Variants in ABCA3 observed in about 807,000 individuals in gnomAD.
ABCA3 encodes the protein ATP binding cassette subfamily A member 3.
A neutral mutation model predicts 172.8 loss-of-function variants in ABCA3; 88 were observed. That is an observed-to-expected ratio of 0.51 (90% CI 0.43 to 0.61). The LOEUF (loss-of-function observed/expected upper bound fraction) is 0.61. Among genes scored for constraint, ABCA3 ranks in the 20% least tolerant of loss-of-function variants. The probability of loss-of-function intolerance (pLI) is 0.00; values close to 1 mark genes in which losing one functional copy is unlikely to be tolerated. For synonymous variants in ABCA3, 1,066 were observed against 983.8 expected (o/e 1.08, Z -1.56); for missense variants, 2,164 against 2,301.0 (o/e 0.94, Z 1.22).
rs886051819 is a variant in ABCA3 at position 2,295,688 on chromosome 16, G to T, written c.2316C>A (p.Asp772Glu). Reference protein sequence around the residue: ...LVKEPHCNPEDISQLVHHHVP... With the variant: ...LVKEPHCNPEEISQLVHHHVP... Reference sequence around the variant, plus strand: ...CGTGGTGGTGGACCAGCTGGGAGATGTCTTCCGGGTTGCAGTGCGGCTCCT... The same window carrying T: ...CGTGGTGGTGGACCAGCTGGGAGATTTCTTCCGGGTTGCAGTGCGGCTCCT... The change falls in exon 18 of 33, where the codon GAC (aspartate) becomes GAA (glutamate). Residue 772 changes from aspartate (D) to glutamate (E), a missense_variant. Physicochemically the swap from Asp to Glu is conservative, Grantham distance 45. Around this residue, in one of 3 missense-constraint regions of ABCA3, gnomAD observed 1,343 missense variants for 1,369.6 expected, o/e 0.98. Transcript: ENST00000301732. The T allele has an allele frequency of 6.2e-7, 1 of 1,614,084 alleles. No individual in the cohort carries two copies.
rs1030148497 is a variant in ABCA3, at chr16:2,286,141, C to T, written c.3279-495G>A. ...GCCTAGCCTGGAATGTGGGTGGAGACGACACTGCCCTGAGGAGGAGTGGCT... is the reference window on the plus strand; with the variant it reads ...GCCTAGCCTGGAATGTGGGTGGAGATGACACTGCCCTGAGGAGGAGTGGCT... On this transcript the variant is annotated intron_variant, in intron 22 of 32. Transcript: ENST00000301732. This position sits in a 1 kb window ranked among gnomAD's most constrained non-coding sequence, Gnocchi z 5.2. 4.6e-5 allele frequency among the ~76,000 whole-genome samples: 7 copies of T among 152,276 alleles called. No individual in the cohort carries two copies. Among genetic ancestry groups the T allele is most frequent in the East Asian group, 1.9e-4 (1 of 5,172 alleles).
In ABCA3 at chr16:2,308,628, A is replaced by G; in HGVS notation, c.1112-5T>C. The G allele has an allele frequency of 6.2e-7, 1 of 1,613,818 alleles. No individual in the cohort carries two copies. Among genetic ancestry groups the G allele is most frequent in the Non-Finnish European group, 8.5e-7 (1 of 1,179,806 alleles). ...CGAAGGCTGCTGCCATGTTGGCTGC[A>G]GGTGTTGGAAGACCCGGGGGGCGTG... On this transcript the variant is annotated splice_polypyrimidine_tract_variant and splice_region_variant and intron_variant, in intron 10 of 32. Coordinates refer to ENST00000301732, the MANE Select transcript of ABCA3 (RefSeq NM_001089.3).
intron 11 of ABCA3, among the ~76,000 whole-genome samples, chr16:2,305,295 G>A (rs1299516138): frequency 1.3e-5 from 2 of 151,672 alleles, no homozygotes; most frequent in African/African-American, 4.8e-5. Flanking sequence ...CACCACACCT[G>A]GCTAATTTTT....
At chr16:2,299,286 C>T in intron 14 of ABCA3, 117 bp downstream of exon 14, 2 of 1,437,810 alleles carry the variant, frequency 1.4e-6, no homozygotes, top group Admixed American at 1.8e-5. Flanking sequence ...GCATCTCCTG[C>T]CGCTGTGGTT....
intron 14 of ABCA3, among the ~76,000 whole-genome samples, chr16:2,299,144 G>C (rs1237579957): frequency 1.4e-5 from 2 of 146,544 alleles, no homozygotes; most frequent in African/African-American, 5.0e-5. Flanking sequence ...GGGGTCCCTG[G>C]GGGTCCCCCT....
At chr16:2,293,976 T>C (rs2141703923) in intron 18 of ABCA3, among the ~76,000 whole-genome samples, 1 of 151,656 alleles carries the variant, frequency 6.6e-6, no homozygotes, top group South Asian at 2.1e-4. Flanking sequence ...AAAAGTGAGG[T>C]TCATATGGTT....
chr16:2,294,968 G>A (rs1362669444), intron 18 of ABCA3, among the ~76,000 whole-genome samples: 2 of 152,162 alleles, frequency 1.3e-5, no homozygotes, highest in Non-Finnish European at 2.9e-5. Flanking sequence ...GGGCAGCAGA[G>A]TGAGGCTCCA....
intron 6 of ABCA3, 21 bp from the exon 7 acceptor site, chr16:2,323,709 C>T (rs893512836): frequency 6.2e-7 from 1 of 1,614,010 alleles, no homozygotes; most frequent in East Asian, 2.2e-5. Context: ...AAAGAGAAAA[C>T]CAGCTGTTCC....
chr16:2,331,217 C>T (rs1567356687), intron 1 of ABCA3, among the ~76,000 whole-genome samples: 1 of 151,784 alleles, frequency 6.6e-6, no homozygotes, highest in African/African-American at 2.4e-5. Flanking sequence ...CTTTTCTTTT[C>T]TTTTCTTTTT....
At chr16:2,309,386 C>A (rs2093703006) in intron 10 of ABCA3, among the ~76,000 whole-genome samples, 1 of 152,218 alleles carries the variant, frequency 6.6e-6, no homozygotes, top group Non-Finnish European at 1.5e-5. Flanking sequence ...TCCCTCCCCT[C>A]CCACGCCTGG....
rs1414520850 is a variant in ABCA3, at chr16:2,281,474, C to T, written c.4071G>A (p.Glu1357=). 1.9e-6 allele frequency: 3 copies of T among 1,613,402 alleles called. No homozygotes were observed. Among genetic ancestry groups the T allele is most frequent in the East Asian group, 2.2e-5 (1 of 44,854 alleles). The change falls in exon 27 of 33, where the codon GAG becomes GAA. Residue 1357 remains glutamate, a synonymous_variant. Transcript: ENST00000301732. This position sits in a 1 kb window ranked among gnomAD's most constrained non-coding sequence, Gnocchi z 4.7. The stretch of plus-strand genomic sequence containing the variant: ...TCCTCTCGTCCGCTACATCTTGGTC[C>T]TCAGGAAGCACAGGCATCCGGGTGT... ...ELYTRMPVLP[E]DQDVADERTR...
Position 2,278,489 on chromosome 16 carries a change from T to TA in ABCA3, c.4548-32dup. On this transcript the variant is annotated intron_variant, in intron 29 of 32. Coordinates refer to ENST00000301732, the MANE Select transcript of ABCA3 (RefSeq NM_001089.3). This position sits in a 1 kb window ranked among gnomAD's most constrained non-coding sequence, Gnocchi z 4.4. ...GGCAGGAGGGTGCCAGGTGGGGGAA[T>TA]AAGGCTGAGAGTTAGCATTGGCTCC... is the stretch of plus-strand genomic sequence containing the variant. 6.2e-7 allele frequency: 1 copy of TA among 1,606,746 alleles called. No homozygotes were observed. The highest frequency in any genetic ancestry group is 8.5e-7 in the Non-Finnish European group (1 of 1,179,716).
chr16:2,280,995 C>G (rs769129570), intron 28 of ABCA3, 32 bp downstream of exon 28: 1 of 1,613,730 alleles, frequency 6.2e-7, no homozygotes, highest in Admixed American at 1.7e-5. Context: ...ATGCCTGTCT[C>G]ACCCCTTCAG....
chr16:2,283,486 T>TTG lies in ABCA3; in HGVS notation c.3863-129_3863-128insCA. On this transcript the variant is annotated intron_variant, in intron 25 of 32. Coordinates refer to ENST00000301732, the MANE Select transcript of ABCA3 (RefSeq NM_001089.3). The surrounding 1 kb of genome is among the most constrained non-coding windows in gnomAD (Gnocchi z 5.4). ...TAACAATGTCCCCTCCATGGGGAGATGTGAAGGCCAGTAGGTCACAGCTGC... is the reference window on the plus strand; with the variant it reads ...TAACAATGTCCCCTCCATGGGGAGATTGGTGAAGGCCAGTAGGTCACAGCTGC... The TTG allele has an allele frequency of 9.1e-7, 1 of 1,102,702 alleles. No homozygotes were observed. Among genetic ancestry groups the TTG allele is most frequent in the Non-Finnish European group, 1.3e-6 (1 of 777,588 alleles). The allele number at this position is 1,102,702 out of a possible 1,614,324, so 68.3% of individuals were successfully genotyped here. A position where few individuals can be genotyped will look rare whatever the true frequency, so the allele number is the denominator to read the frequency against.
Position 2,285,511 on chromosome 16 carries a change from C to A in ABCA3, c.3414G>T (p.Val1138=), listed in dbSNP as rs2093661619. 9.3e-6 allele frequency: 15 copies of A among 1,609,044 alleles called. No individual in the cohort carries two copies. Among genetic ancestry groups the A allele is most frequent in the Non-Finnish European group, 1.3e-5 (15 of 1,177,766 alleles). ...GCAGAGCAGAGAGCCAGAAACTGGC[C>A]ACGTGGACTCCACTCACAAACTGCA... The part of the protein sequence containing the change: ...KHVQFVSGVH[V]ASFWLSALLW... Residue 1138 remains valine (V), a synonymous_variant, in exon 23 of 33, where the codon GTG becomes GTT. Transcript: ENST00000301732. This position sits in a 1 kb window ranked among gnomAD's most constrained non-coding sequence, Gnocchi z 4.7.
chr16:2,298,721 C>T (rs1315658123), intron 14 of ABCA3, among the ~76,000 whole-genome samples, 181 bp from the exon 15 acceptor site: 1 of 152,042 alleles, frequency 6.6e-6, no homozygotes, highest in Non-Finnish European at 1.5e-5. Flanking sequence ...GAAAAAGAAG[C>T]GGCATGGAAA....
Position 2,284,255 on chromosome 16 carries a change from C to G in ABCA3, c.3862+24G>C. The G allele has an allele frequency of 6.2e-7, 1 of 1,607,506 alleles. No individual in the cohort carries two copies. The highest frequency in any genetic ancestry group is 8.5e-7 in the Non-Finnish European group (1 of 1,175,912). On this transcript the variant is annotated intron_variant, in intron 25 of 32. Coordinates refer to ENST00000301732, the MANE Select transcript of ABCA3 (RefSeq NM_001089.3). The surrounding 1 kb of genome is among the most constrained non-coding windows in gnomAD (Gnocchi z 5.9). ...GTCCTGAGGACGCAGGGGTGCTGCCCGGGGTCGGGGCTGGGACACTCACTA... is the reference window on the plus strand; with the variant it reads ...GTCCTGAGGACGCAGGGGTGCTGCCGGGGGTCGGGGCTGGGACACTCACTA...
chr16:2,309,530 C>G (rs1381194259), intron 10 of ABCA3, among the ~76,000 whole-genome samples: 1 of 152,130 alleles, frequency 6.6e-6, no homozygotes, highest in Admixed American at 6.6e-5. Flanking sequence ...GAGAAGGAGC[C>G]GGAAGAGGTG....
chr16:2,297,986 G>C lies in ABCA3; in HGVS notation c.1897-65C>G, dbSNP rs1228360241. 6.9e-6 allele frequency: 11 copies of C among 1,587,094 alleles called. No homozygotes were observed. In the South Asian group the frequency reaches 1.1e-4, roughly 16 times the overall value. ...GCGGGAGGCCGACCCTGGCCAGCGA[G>C]GTTCTGGTGAGAGGAACCTCTCCTT... On this transcript the variant is annotated intron_variant, in intron 15 of 32. Transcript: ENST00000301732. This position sits in a 1 kb window ranked among gnomAD's most constrained non-coding sequence, Gnocchi z 5.6.
Sources: gnomAD v4.1 joint callset for allele counts (sites outside exome capture counted in the v4.1 genomes callset) on GRCh38, gnomAD v4.1.1 for gene constraint, gnomAD v4.1.1 regional missense constraint, Gnocchi (gnomAD v3.1) non-coding constraint, MANE v1.5 for transcripts, NCBI Gene and HGNC (gene_info 2026-07-23, HGNC 2026-07-21) for gene names.